PRDM6: variants seen among roughly 807,000 people sequenced by gnomAD.
The protein encoded by PRDM6 is putative histone-lysine N-methyltransferase PRDM6.
A neutral mutation model predicts 60.8 loss-of-function variants in PRDM6; 25 were observed. The observed-to-expected ratio is 0.41, with a 90% CI of 0.30 to 0.57. PRDM6 has a LOEUF of 0.57. Ranked by LOEUF, PRDM6 falls within the 20% of genes least tolerant of loss-of-function variation. The pLI is 0.27. For missense variants in PRDM6, 839 were observed against 821.3 expected, an observed-to-expected ratio of 1.02 and a Z score of -0.26; for synonymous variants, 407 against 357.4, an observed-to-expected ratio of 1.14 and a Z score of -1.57.
At chr5:123,165,169 C>T (rs1387781884) in intron 5 of PRDM6, among the ~76,000 whole-genome samples, 2 of 152,150 alleles carry the variant, frequency 1.3e-5, no homozygotes, top group African/African-American at 2.4e-5. Flanking sequence ...CCTTACTGAG[C>T]GCCAGACTCC....
rs1165698722 is a variant in PRDM6 at position 123,099,127 on chromosome 5, G to A, written c.593-527G>A. On this transcript the variant is annotated intron_variant, in intron 2 of 7. Coordinates refer to ENST00000407847, the MANE Select transcript of PRDM6 (RefSeq NM_001136239.4). This position sits in a 1 kb window ranked among gnomAD's most constrained non-coding sequence, Gnocchi z 4.0. ...GTGTAATTGTAAAAAGAGGAAAGCTGAATACCCAGACGACCAGTATAGAAT... is the reference window on the plus strand; with the variant it reads ...GTGTAATTGTAAAAAGAGGAAAGCTAAATACCCAGACGACCAGTATAGAAT... 1.3e-5 allele frequency among the ~76,000 whole-genome samples: 2 copies of A among 152,164 alleles called. No homozygotes were observed.
intron 3 of PRDM6, among the ~76,000 whole-genome samples, chr5:123,126,628 C>T (rs1465504200): frequency 6.6e-6 from 1 of 152,052 alleles, no homozygotes; most frequent in Non-Finnish European, 1.5e-5. Context: ...TCCATGTTGA[C>T]CAAATTTTGT....
intron 3 of PRDM6, among the ~76,000 whole-genome samples, chr5:123,136,270 T>G (rs1580507969): frequency 6.6e-6 from 1 of 152,210 alleles, no homozygotes; most frequent in East Asian, 1.9e-4. Flanking sequence ...ACAATTTGAA[T>G]ATATTCTTTG....
intron 4 of PRDM6, among the ~76,000 whole-genome samples, chr5:123,158,510 AT>A (rs1212248263): frequency 6.6e-6 from 1 of 152,122 alleles, no homozygotes; most frequent in Non-Finnish European, 1.5e-5. Flanking sequence ...GATAAATGAA[AT>A]TTTTGCAGCT....
In PRDM6 at chr5:123,187,362, A is replaced by G. The variant is rs949988743; in HGVS notation, c.*161A>G. 1.5e-5 allele frequency: 8 copies of G among 532,168 alleles called. No individual in the cohort carries two copies. The highest frequency in any genetic ancestry group is 1.1e-4 in the South Asian group (5 of 46,574). The allele number at this position is 532,168 out of a possible 1,614,324, so 33.0% of individuals were successfully genotyped here. On this transcript the variant is annotated 3_prime_UTR_variant, in exon 8 of 8. Coordinates refer to ENST00000407847, the MANE Select transcript of PRDM6 (RefSeq NM_001136239.4). ...GATGTTAAGAGATATTGATCCTGGC[A>G]TGGAAGTCAGACCAGGAAAGAGATT...
chr5:123,149,660 T>C (rs987943737), intron 3 of PRDM6, among the ~76,000 whole-genome samples: 3 of 152,228 alleles, frequency 2.0e-5, no homozygotes, highest in African/African-American at 7.2e-5. Context: ...GAAGAAATGC[T>C]TCCTTACCGT....
At chr5:123,170,100 T>C (rs1250213403) in intron 5 of PRDM6, among the ~76,000 whole-genome samples, 1 of 152,158 alleles carries the variant, frequency 6.6e-6, no homozygotes, top group Non-Finnish European at 1.5e-5. Context: ...ATTTGGACTT[T>C]TAAGGCCCTC....
chr5:123,120,991 T>A (rs1764567083), intron 3 of PRDM6, among the ~76,000 whole-genome samples: 2 of 152,248 alleles, frequency 1.3e-5, no homozygotes, highest in African/African-American at 4.8e-5. Context: ...TTTTTCCTTA[T>A]GTTTGGGCTT....
intron 3 of PRDM6, among the ~76,000 whole-genome samples, chr5:123,129,706 G>C (rs181177546): frequency 4.6e-5 from 7 of 152,228 alleles, no homozygotes; most frequent in African/African-American, 1.7e-4. Flanking sequence ...AACACCTTGC[G>C]TTGTAAACAA....
rs1037668422 is a variant in PRDM6, at chr5:123,141,793, G to A, written c.901-14091G>A. ...AATAGAAAATAATGATAATGGTACT[G>A]TTTGAGCACTTAGTGTGTGTCAGGC... On this transcript the variant is annotated intron_variant, in intron 3 of 7. Transcript: ENST00000407847. 4.7e-4 allele frequency among the ~76,000 whole-genome samples: 71 copies of A among 152,264 alleles called. 1 individual carries two copies. Among genetic ancestry groups the A allele is most frequent in the Non-Finnish European group, 1.5e-5 (1 of 68,004 alleles).
chr5:123,125,145 ACCC>A (rs11300497), intron 3 of PRDM6, among the ~76,000 whole-genome samples: 3 of 138,066 alleles, frequency 2.2e-5, no homozygotes, highest in South Asian at 2.3e-4. Context: ...TACATACCGC[ACCC>A]CCTCCCCCCC....
At chr5:123,147,131 T>C (rs971137479) in intron 3 of PRDM6, among the ~76,000 whole-genome samples, 2 of 152,194 alleles carry the variant, frequency 1.3e-5, no homozygotes, top group Non-Finnish European at 2.9e-5. Context: ...TCATTTCATT[T>C]GTAAATTATT....
intron 3 of PRDM6, among the ~76,000 whole-genome samples, chr5:123,118,650 C>G (rs1471619357): frequency 6.6e-6 from 1 of 152,154 alleles, no homozygotes; most frequent in Non-Finnish European, 1.5e-5. Context: ...AGCTGTCAGT[C>G]AGGGTGCACA....
intron 3 of PRDM6, among the ~76,000 whole-genome samples, chr5:123,128,469 C>T (rs1256735634): frequency 6.6e-5 from 10 of 152,224 alleles, no homozygotes; most frequent in Admixed American, 3.9e-4. Flanking sequence ...TTGTAACTGG[C>T]GTGAGATGGT....
intron 3 of PRDM6, among the ~76,000 whole-genome samples, chr5:123,140,966 AT>A (rs553084986): frequency 1.3e-5 from 2 of 151,910 alleles, no homozygotes; most frequent in Non-Finnish European, 2.9e-5. Flanking sequence ...CTAAGTTAAA[AT>A]TTTTTTTATA....
intron 2 of PRDM6, among the ~76,000 whole-genome samples, chr5:123,097,372 A>C (rs73292799): frequency 0.018 from 2,742 of 152,210 alleles, 74 homozygotes; most frequent in African/African-American, 0.062. Flanking sequence ...CCCAGCTTTC[A>C]TTAGTCTTTT....
chr5:123,185,206 C>T (rs1051581119), intron 7 of PRDM6, among the ~76,000 whole-genome samples: 4 of 152,132 alleles, frequency 2.6e-5, no homozygotes, highest in Non-Finnish European at 5.9e-5. Context: ...TCCTCATATT[C>T]TAATACACAA....
chr5:123,158,849 C>T (rs1458962650), intron 4 of PRDM6, among the ~76,000 whole-genome samples: 1 of 151,700 alleles, frequency 6.6e-6, no homozygotes, highest in African/African-American at 2.4e-5. Context: ...TTTTTTTTTA[C>T]AGTACCAAAG....
At chr5:123,149,310 G>A (rs1218314728) in intron 3 of PRDM6, among the ~76,000 whole-genome samples, 4 of 152,212 alleles carry the variant, frequency 2.6e-5, no homozygotes, top group East Asian at 1.9e-4. Flanking sequence ...CAAATGTCCC[G>A]GGCTTTGCAT....
Sources: allele counts gnomAD v4.1 joint callset (sites outside exome capture counted in the v4.1 genomes callset), GRCh38; gene constraint gnomAD v4.1.1; non-coding constraint Gnocchi (gnomAD v3.1); transcripts MANE v1.5; gene names NCBI Gene and HGNC (gene_info 2026-07-23, HGNC 2026-07-21).